The following RTKN2 variants were observed in gnomAD, a reference collection of about 807,000 sequenced individuals.
The protein encoded by RTKN2 is rhotekin 2.
Under a neutral mutation model 71.5 loss-of-function variants are expected in RTKN2, and 69 were observed. That is an observed-to-expected ratio of 0.96 (90% CI 0.79 to 1.18). The LOEUF is 1.18. RTKN2 is among the 50% of genes most tolerant of loss of function. The pLI is 0.00. For missense variants in RTKN2, 724 were observed against 719.7 expected (o/e 1.01, Z -0.07); for synonymous variants, 236 against 236.5 (o/e 1.00, Z 0.02).
At chr10:62,229,349 C>T (rs771540257) in intron 6 of RTKN2, among the ~76,000 whole-genome samples, 3 of 152,014 alleles carry the variant, frequency 2.0e-5, no homozygotes, top group East Asian at 3.8e-4. Flanking sequence ...AATACAATCA[C>T]GGGGTAGATG....
At chr10:62,231,368 A>C (rs897842544) in intron 6 of RTKN2, among the ~76,000 whole-genome samples, 1 of 152,212 alleles carries the variant, frequency 6.6e-6, no homozygotes, top group African/African-American at 2.4e-5. Context: ...CAATAAAATG[A>C]ATAGATGAAT....
intron 10 of RTKN2, among the ~76,000 whole-genome samples, chr10:62,202,059 T>A (rs1263865283): frequency 2.7e-5 from 4 of 149,208 alleles, no homozygotes; most frequent in Admixed American, 7.7e-5. Flanking sequence ...AAATATTTTT[T>A]AAAAATTTAA....
In RTKN2 at chr10:62,197,733, G is replaced by C; in HGVS notation, c.*175C>G. 1 of 1,411,376 alleles carries C rather than the reference G, an allele frequency of 7.1e-7. No homozygotes were observed. Among genetic ancestry groups the C allele is most frequent in the Non-Finnish European group, 9.2e-7 (1 of 1,089,118 alleles). 87.4% of individuals were successfully genotyped at this position (1,411,376 alleles called of 1,614,324 possible). A position where few individuals can be genotyped will look rare whatever the true frequency, so the allele number is the denominator to read the frequency against. On this transcript the variant is annotated 3_prime_UTR_variant, in exon 12 of 12. Transcript: ENST00000373789. Reference sequence around the variant, plus strand: ...AAATCACTTACATTCTGCAAATCAGGAGTAAAAGAGAAATCCACTTCTTCA... The same window carrying C: ...AAATCACTTACATTCTGCAAATCAGCAGTAAAAGAGAAATCCACTTCTTCA...
At chr10:62,246,969 T>C (rs1420732179) in intron 2 of RTKN2, among the ~76,000 whole-genome samples, 1 of 152,004 alleles carries the variant, frequency 6.6e-6, no homozygotes. Flanking sequence ...TAGCATTCCA[T>C]TTACAGGGCA....
rs1259840014 is a variant in RTKN2, at chr10:62,195,787, C to A, written c.*2121G>T. ...GTAACATACAGTAAGCTGGGCCCCC[C>A]AGAAAGAGACCGAATAATTTGGTGG... is the stretch of plus-strand genomic sequence containing the variant. On this transcript the variant is annotated 3_prime_UTR_variant, in exon 12 of 12. Coordinates refer to ENST00000373789, the MANE Select transcript of RTKN2 (RefSeq NM_145307.4). 12 of 985,284 alleles carry A rather than the reference C, an allele frequency of 1.2e-5. No individual in the cohort carries two copies. The highest frequency in any genetic ancestry group is 1.4e-5 in the Non-Finnish European group (12 of 830,004). 61.0% of individuals were successfully genotyped at this position (985,284 alleles called of 1,614,324 possible). A position where few individuals can be genotyped will look rare whatever the true frequency, so the allele number is the denominator to read the frequency against.
intron 8 of RTKN2, among the ~76,000 whole-genome samples, chr10:62,185,746 GCA>G (rs1427870206): frequency 1.3e-5 from 2 of 152,170 alleles, no homozygotes; most frequent in Non-Finnish European, 2.9e-5. Context: ...TGAATTCATG[GCA>G]CAGTTACATG....
chr10:62,223,545 T>C (rs1841956069), intron 6 of RTKN2, among the ~76,000 whole-genome samples: 1 of 152,108 alleles, frequency 6.6e-6, no homozygotes, highest in Non-Finnish European at 1.5e-5. Context: ...TCTCTTTTGT[T>C]GACAAATGGT....
chr10:62,197,801 G>A lies in RTKN2; in HGVS notation c.*107C>T. On this transcript the variant is annotated 3_prime_UTR_variant, in exon 12 of 12. Coordinates refer to ENST00000373789, the MANE Select transcript of RTKN2 (RefSeq NM_145307.4). ...ATACCTAATAGCTTATTAATTATTG[G>A]TATAAATCACTATATTTACCTATAT... 2.1e-6 allele frequency: 3 copies of A among 1,433,096 alleles called. No homozygotes were observed. The South Asian group carries it at 4.6e-5, about 22-fold the overall frequency. 88.8% of individuals were successfully genotyped at this position (1,433,096 alleles called of 1,614,324 possible). A position where few individuals can be genotyped will look rare whatever the true frequency, so the allele number is the denominator to read the frequency against.
chr10:62,248,106 T>C (rs140064537), intron 2 of RTKN2, among the ~76,000 whole-genome samples: 14 of 152,112 alleles, frequency 9.2e-5, no homozygotes, highest in African/African-American at 2.7e-4. Context: ...TGGCAGAGTA[T>C]AGCTTTCTCC....
downstream of RTKN2, among the ~76,000 whole-genome samples, chr10:62,188,801 G>A (rs1011971313): frequency 6.6e-6 from 1 of 151,746 alleles, no homozygotes; most frequent in Non-Finnish European, 1.5e-5. Context: ...AGGCTGGAGT[G>A]CAGTGACGCG....
chr10:62,252,141 G>A (rs944614099), intron 2 of RTKN2, among the ~76,000 whole-genome samples: 6 of 152,028 alleles, frequency 3.9e-5, no homozygotes, highest in African/African-American at 9.7e-5. Flanking sequence ...GCCCCAAAAT[G>A]TGCCAAATGG....
rs181762533 is a variant in RTKN2 at position 62,197,895 on chromosome 10, C to T, written c.*13G>A. On this transcript the variant is annotated 3_prime_UTR_variant, in exon 12 of 12. Transcript: ENST00000373789. Reference sequence around the variant, plus strand: ...TTATAGATTTTGTTAAATGTTTTATCATTAAGAGTTTTCTATACTTGTGCC... The same window carrying T: ...TTATAGATTTTGTTAAATGTTTTATTATTAAGAGTTTTCTATACTTGTGCC... 2.6e-3 allele frequency: 4,099 copies of T among 1,591,942 alleles called. 9 individuals carry two copies. The highest frequency in any genetic ancestry group is 3.3e-3 in the Admixed American group (182 of 55,774).
At chr10:62,249,380 GT>G (rs1842536601) in intron 2 of RTKN2, among the ~76,000 whole-genome samples, 1 of 134,474 alleles carries the variant, frequency 7.4e-6, no homozygotes, top group South Asian at 2.5e-4. Flanking sequence ...GGGTTGCGGG[GT>G]TGGGGGGTGG....
At chr10:62,222,207 C>T (rs925277739) in intron 7 of RTKN2, among the ~76,000 whole-genome samples, 4 of 152,254 alleles carry the variant, frequency 2.6e-5, no homozygotes, top group South Asian at 2.1e-4. Context: ...CTTCTGGGGT[C>T]AGGCGATCCT....
intron 10 of RTKN2, among the ~76,000 whole-genome samples, chr10:62,200,403 G>GTACT (rs1451552361): frequency 1.4e-5 from 2 of 144,936 alleles, no homozygotes; most frequent in Non-Finnish European, 3.0e-5. Context: ...AGAAAAAGAA[G>GTACT]TACTTCTATG....
At chr10:62,241,030 T>G (rs1310088354) in intron 4 of RTKN2, 112 bp downstream of exon 4, 7 of 613,598 alleles carry the variant, frequency 1.1e-5, no homozygotes, top group African/African-American at 5.6e-5. Flanking sequence ...TGCTGCTTAT[T>G]CTTTCAAATG....
Position 62,199,872 on chromosome 10 carries a change from C to G in RTKN2, c.1187-11G>C. 1 of 1,537,150 alleles carries G rather than the reference C, an allele frequency of 6.5e-7. No homozygotes were observed. The highest frequency in any genetic ancestry group is 2.3e-5 in the East Asian group (1 of 44,408). The stretch of plus-strand genomic sequence containing the variant: ...AGTGCTTCCATTGGCCTAAGACAGA[C>G]AGAAAAAAGGTAGACTAGTTTAAAA... On this transcript the variant is annotated splice_polypyrimidine_tract_variant and intron_variant, in intron 10 of 11. Transcript: ENST00000373789.
rs907011088 is a variant in RTKN2 at position 62,195,069 on chromosome 10, G to T, written c.*2839C>A. 141 of 984,292 alleles carry T rather than the reference G, an allele frequency of 1.4e-4. No individual in the cohort carries two copies. Among genetic ancestry groups the T allele is most frequent in the Non-Finnish European group, 1.7e-4 (137 of 829,032 alleles). The allele number at this position is 984,292 out of a possible 1,614,324, so 61.0% of individuals were successfully genotyped here. On this transcript the variant is annotated 3_prime_UTR_variant, in exon 12 of 12. Transcript: ENST00000373789. The stretch of plus-strand genomic sequence containing the variant: ...CCTTGCAAGATATTAAAATACAAAA[G>T]TTACCACTTAGTAGCAATTAAAAAT...
chr10:62,185,394 G>C (rs577127006), intron 8 of RTKN2, among the ~76,000 whole-genome samples: 1 of 152,228 alleles, frequency 6.6e-6, no homozygotes, highest in East Asian at 1.9e-4. Flanking sequence ...GAAGTGGGCA[G>C]ATCATGAGGT....
Sources: allele counts gnomAD v4.1 joint callset (sites outside exome capture counted in the v4.1 genomes callset), GRCh38; gene constraint gnomAD v4.1.1; transcripts MANE v1.5; gene names NCBI Gene and HGNC (gene_info 2026-07-23, HGNC 2026-07-21).